RPS6KA5: variants seen among roughly 807,000 people sequenced by gnomAD.
RPS6KA5 encodes the protein ribosomal protein S6 kinase A5, also known as ribosomal protein S6 kinase alpha-5.
In RPS6KA5, 27 loss-of-function variants were observed where a neutral mutation model predicts 85.5. The ratio of observed to expected loss-of-function variants is 0.32; its 90% CI spans 0.23 to 0.44. The LOEUF is 0.44. RPS6KA5 is among the 20% of genes least tolerant of loss of function. The pLI is 1.00. For synonymous variants in RPS6KA5, 334 were observed against 348.2 expected (o/e 0.96, Z 0.46); for missense variants, 811 against 980.9 (o/e 0.83, Z 2.31).
chr14:90,868,917 C>T lies in RPS6KA5; in HGVS notation c.*3157G>A, dbSNP rs1043228097. The T allele has an allele frequency of 1.3e-5, 2 of 152,008 alleles. No homozygotes were observed. Among genetic ancestry groups the T allele is most frequent in the Non-Finnish European group, 2.9e-5 (2 of 67,978 alleles). The allele number at this position is 152,008 out of a possible 1,614,324, so 9.4% of individuals were successfully genotyped here. The stretch of plus-strand genomic sequence containing the variant: ...ACAGTAATCTAAAAAAATTAAAAGG[C>T]AGTTTTCTTGGGTAATGAACCTGTG... On this transcript the variant is annotated 3_prime_UTR_variant, in exon 17 of 17. Coordinates refer to ENST00000614987, the MANE Select transcript of RPS6KA5 (RefSeq NM_004755.4).
Position 90,871,172 on chromosome 14 carries a change from T to C in RPS6KA5, c.*902A>G, listed in dbSNP as rs1316398489. 6.6e-6 allele frequency: 1 copy of C among 152,538 alleles called. No homozygotes were observed. Among genetic ancestry groups the C allele is most frequent in the Non-Finnish European group, 1.5e-5 (1 of 68,010 alleles). 9.4% of individuals were successfully genotyped at this position (152,538 alleles called of 1,614,324 possible). The stretch of plus-strand genomic sequence containing the variant: ...AAGTGGCTGACTACATGACACAACA[T>C]GCCCCATTCTACTTGTTGCATACAA... On this transcript the variant is annotated 3_prime_UTR_variant, in exon 17 of 17. Transcript: ENST00000614987.
At chr14:90,980,285 C>T (rs1008404687) in intron 2 of RPS6KA5, among the ~76,000 whole-genome samples, 2 of 152,248 alleles carry the variant, frequency 1.3e-5, no homozygotes, top group African/African-American at 4.8e-5. Flanking sequence ...CCTGAAACTT[C>T]TGTGTTCCTT....
intron 1 of RPS6KA5, among the ~76,000 whole-genome samples, chr14:91,020,614 T>TTGTGTG (rs71117396): frequency 0.22 from 20,316 of 91,244 alleles, 4,670 homozygotes; most frequent in East Asian, 0.33. Flanking sequence ...ATATATCCTA[T>TTGTGTG]TGTGTGTGTG....
chr14:90,900,987 C>G (rs2035136450), intron 9 of RPS6KA5, among the ~76,000 whole-genome samples: 1 of 152,204 alleles, frequency 6.6e-6, no homozygotes, highest in South Asian at 2.1e-4. Context: ...AAAAAGACTT[C>G]TTCCCTATTC....
intron 3 of RPS6KA5, among the ~76,000 whole-genome samples, chr14:90,965,154 G>A (rs1477976065): frequency 6.6e-6 from 1 of 152,056 alleles, no homozygotes; most frequent in African/African-American, 2.4e-5. Context: ...CCAGCACTTT[G>A]TAAGGCAGGC....
chr14:91,058,457 C>G (rs1458266890), intron 1 of RPS6KA5, among the ~76,000 whole-genome samples: 1 of 152,196 alleles, frequency 6.6e-6, no homozygotes, highest in Non-Finnish European at 1.5e-5. Context: ...GCTCCTTGGT[C>G]ATTTAGCAAA....
rs151233218 is a variant in RPS6KA5 at position 90,992,231 on chromosome 14, G to T, written c.175+8857C>A. On this transcript the variant is annotated intron_variant, in intron 2 of 16. Transcript: ENST00000614987. ...GTCATCAAAACTGTGATTTTTTAAAGGCAGATATACTTACAATGACATTTC... is the reference window on the plus strand; with the variant it reads ...GTCATCAAAACTGTGATTTTTTAAATGCAGATATACTTACAATGACATTTC... Among the ~76,000 whole-genome samples, 100 of 152,220 alleles carry T rather than the reference G, an allele frequency of 6.6e-4. 2 individuals are homozygous for T. In the East Asian group the frequency reaches 0.017, roughly 26 times the overall value.
chr14:91,053,527 C>G (rs1425232328), intron 1 of RPS6KA5, among the ~76,000 whole-genome samples: 1 of 152,180 alleles, frequency 6.6e-6, no homozygotes, highest in African/African-American at 2.4e-5. Context: ...AAGGTAAAAA[C>G]TGTACCTCTA....
At chr14:90,987,156 G>T (rs995216713) in intron 2 of RPS6KA5, among the ~76,000 whole-genome samples, 2 of 152,040 alleles carry the variant, frequency 1.3e-5, no homozygotes, top group African/African-American at 4.8e-5. Flanking sequence ...AAGGTATAGT[G>T]GGTATACACA....
At position 90,858,421 on chromosome 14, in the gene RPS6KA5, G is replaced by A. The variant is rs563485922; in HGVS notation, c.*13653C>T. Reference sequence around the variant, plus strand: ...TTTTCTAGGATTCGACATTTTCAGCGATCGAGAATTATTATACTTTGTAAA... The same window carrying A: ...TTTTCTAGGATTCGACATTTTCAGCAATCGAGAATTATTATACTTTGTAAA... On this transcript the variant is annotated 3_prime_UTR_variant, in exon 17 of 17. Transcript: ENST00000614987. 46 of 152,240 alleles carry A rather than the reference G, an allele frequency of 3.0e-4. No individual in the cohort carries two copies. Among genetic ancestry groups the A allele is most frequent in the Non-Finnish European group, 5.9e-4 (40 of 68,032 alleles). The allele number at this position is 152,240 out of a possible 1,614,324, so 9.4% of individuals were successfully genotyped here. A position where few individuals can be genotyped will look rare whatever the true frequency, so the allele number is the denominator to read the frequency against.
intron 1 of RPS6KA5, among the ~76,000 whole-genome samples, chr14:91,007,846 A>T (rs1024156983): frequency 6.6e-6 from 1 of 152,130 alleles, no homozygotes; most frequent in African/African-American, 2.4e-5. Context: ...TTTTCTTCAT[A>T]AAATTATCCA....
At chr14:91,053,613 A>G (rs1166753346) in intron 1 of RPS6KA5, among the ~76,000 whole-genome samples, 2 of 152,216 alleles carry the variant, frequency 1.3e-5, no homozygotes, top group African/African-American at 4.8e-5. Flanking sequence ...AAATAAATAA[A>G]TAATAAAATA....
At chr14:90,900,073 C>T (rs372386942) in intron 11 of RPS6KA5, 35 bp downstream of exon 11, 90 of 1,485,178 alleles carry the variant, frequency 6.1e-5, no homozygotes, top group Non-Finnish European at 7.2e-5. Flanking sequence ...TTCATGAATA[C>T]CTAAGAAAGA....
intron 5 of RPS6KA5, among the ~76,000 whole-genome samples, chr14:90,942,147 T>C (rs1049382105): frequency 1.2e-4 from 19 of 152,174 alleles, no homozygotes; most frequent in African/African-American, 2.7e-4. Context: ...TGAATGAATA[T>C]AGATGCGATT....
chr14:90,899,214 G>T, intron 12 of RPS6KA5, 115 bp downstream of exon 12: 1 of 672,596 alleles, frequency 1.5e-6, no homozygotes, highest in Non-Finnish European at 2.5e-6. Context: ...CTGGTGGCTG[G>T]GTGATGTTCT....
rs972505118 is a variant in RPS6KA5 at position 91,018,798 on chromosome 14, G to A, written c.104-17639C>T. Among the ~76,000 whole-genome samples the A allele has an allele frequency of 2.0e-5, 3 of 151,944 alleles. No individual in the cohort carries two copies. In the East Asian group the frequency reaches 5.8e-4, roughly 29 times the overall value. ...TCCCCAGCTTGCAAGACGGCCTATC[G>A]TGGGACTTCACCTTGTGATTGTGTG... On this transcript the variant is annotated intron_variant, in intron 1 of 16. Transcript: ENST00000614987.
chr14:90,948,419 G>T (rs10145929), intron 3 of RPS6KA5, among the ~76,000 whole-genome samples: 1 of 152,136 alleles, frequency 6.6e-6, no homozygotes, highest in Non-Finnish European at 1.5e-5. Flanking sequence ...ACACTGAGCC[G>T]GGCGCAGTGG....
In RPS6KA5 at chr14:90,940,035, A is replaced by C. The variant is rs958754510; in HGVS notation, c.618+3043T>G. On this transcript the variant is annotated intron_variant, in intron 5 of 16. Coordinates refer to ENST00000614987, the MANE Select transcript of RPS6KA5 (RefSeq NM_004755.4). ...TCCTAAATAGGTGCTGGGTGGAATC[A>C]GAGGAGCAAAGAACCATTAGATCAA... is the stretch of plus-strand genomic sequence containing the variant. 2.6e-4 allele frequency among the ~76,000 whole-genome samples: 40 copies of C among 152,216 alleles called. 1 individual carries two copies. The highest frequency in any genetic ancestry group is 2.6e-3 in the Admixed American group (40 of 15,278).
At chr14:90,888,403 C>A (rs2034359250) in intron 14 of RPS6KA5, among the ~76,000 whole-genome samples, 2 of 152,134 alleles carry the variant, frequency 1.3e-5, no homozygotes, top group Non-Finnish European at 2.9e-5. Context: ...TTAGATTAAT[C>A]TTTAAGACAT....
Sources: allele counts gnomAD v4.1 joint callset (sites outside exome capture counted in the v4.1 genomes callset), GRCh38; gene constraint gnomAD v4.1.1; transcripts MANE v1.5; gene names NCBI Gene and HGNC (gene_info 2026-07-23, HGNC 2026-07-21).